IFIH1: variants seen among roughly 807,000 people sequenced by gnomAD.
The protein encoded by IFIH1 is interferon-induced helicase C domain-containing protein 1.
Under a neutral mutation model 107.4 loss-of-function variants are expected in IFIH1, and 125 were observed. The observed-to-expected ratio is 1.16, with a 90% confidence interval of 1.01 to 1.35. IFIH1 has a LOEUF of 1.35. Ranked by LOEUF, IFIH1 falls within the 40% of genes most tolerant of loss-of-function variation. IFIH1 has a pLI of 0.00. For synonymous variants in IFIH1, 458 were observed against 413.2 expected (o/e 1.11, Z -1.31); for missense variants, 1,333 against 1,213.7 (o/e 1.10, Z -1.46).
chr2:162,294,185 T>C (rs1419923477), intron 3 of IFIH1, among the ~76,000 whole-genome samples: 1 of 151,884 alleles, frequency 6.6e-6, no homozygotes, highest in Non-Finnish European at 1.5e-5. Context: ...AAAAAGAATA[T>C]CACTAAAGCC....
At chr2:162,269,282 C>T (rs1169759441) in intron 13 of IFIH1, among the ~76,000 whole-genome samples, 1 of 152,170 alleles carries the variant, frequency 6.6e-6, no homozygotes, top group African/African-American at 2.4e-5. Flanking sequence ...TCGCCCTTTC[C>T]ATTCTCCTCT....
chr2:162,299,734 AGTGT>A (rs977868761), intron 3 of IFIH1, among the ~76,000 whole-genome samples: 1 of 152,026 alleles, frequency 6.6e-6, no homozygotes, highest in South Asian at 2.1e-4. Context: ...TACTTTTAAA[AGTGT>A]GTGTGTGTGA....
At chr2:162,313,381 T>A (rs1683415258) in intron 1 of IFIH1, among the ~76,000 whole-genome samples, 1 of 152,216 alleles carries the variant, frequency 6.6e-6, no homozygotes, top group East Asian at 1.9e-4. Context: ...GTTTTCTCTG[T>A]GAAGTTAAAA....
At position 162,272,098 on chromosome 2, in the gene IFIH1, C is replaced by T. The variant is rs1206911949; in HGVS notation, c.2616+128G>A. 6.8e-6 allele frequency: 5 copies of T among 736,024 alleles called. No individual in the cohort carries two copies. The African/African-American group carries it at 8.9e-5, about 13-fold the overall frequency. 45.6% of individuals were successfully genotyped at this position (736,024 alleles called of 1,614,324 possible). ...TCTGCATGTGAATCTGGATTAAGCA[C>T]AGTTCACTAAACAGAAACTTATAAT... On this transcript the variant is annotated intron_variant, in intron 13 of 15. Transcript: ENST00000649979.
Position 162,277,635 on chromosome 2 carries a change from A to G in IFIH1, c.1824T>C (p.Asn608=). 1 of 1,613,102 alleles carries G rather than the reference A, an allele frequency of 6.2e-7. No homozygotes were observed. The highest frequency in any genetic ancestry group is 1.1e-5 in the South Asian group (1 of 91,006). Residue 608 remains asparagine, a synonymous_variant, in exon 10 of 16, where the codon AAT becomes AAC. Transcript: ENST00000649979. ...RVCAEHLRKY[N]EALQINDTIR... ...TTGTGTCATTAATTTGTAGGGCCTC[A>G]TTGTACTTCCTCAAATGTTCTGCAC...
chr2:162,286,447 T>C (rs1265024297), intron 5 of IFIH1, among the ~76,000 whole-genome samples: 2 of 151,972 alleles, frequency 1.3e-5, no homozygotes, highest in Non-Finnish European at 2.9e-5. Flanking sequence ...AGAACCACTC[T>C]GCAAAGGAAG....
At chr2:162,295,346 G>A (rs1428728504) in intron 3 of IFIH1, among the ~76,000 whole-genome samples, 3 of 151,868 alleles carry the variant, frequency 2.0e-5, no homozygotes, top group Non-Finnish European at 4.4e-5. Context: ...TATAGTAATT[G>A]TGATTCATCT....
chr2:162,282,456 A>G lies in IFIH1; in HGVS notation c.1216T>C (p.Ser406Pro). ...GCTGTACTGATAATAATATCACAGGACTTGACAACTTCTGGAAATGATATT... is the reference window on the plus strand; with the variant it reads ...GCTGTACTGATAATAATATCACAGGGCTTGACAACTTCTGGAAATGATATT... ...LKISFPEVVK[S>P]CDIIISTAQI... The change falls in exon 6 of 16, where the codon TCC (serine) becomes CCC (proline). Residue 406 changes from serine to proline, a missense_variant. By Grantham distance (74) the Ser-to-Pro change is moderately conservative. Coordinates refer to ENST00000649979, the MANE Select transcript of IFIH1 (RefSeq NM_022168.4). 1 of 1,611,520 alleles carries G rather than the reference A, an allele frequency of 6.2e-7. No individual in the cohort carries two copies.
chr2:162,303,055 A>G (rs1352251071), intron 3 of IFIH1, among the ~76,000 whole-genome samples: 2 of 152,178 alleles, frequency 1.3e-5, no homozygotes, highest in Non-Finnish European at 1.5e-5. Flanking sequence ...GTGTAGCTAT[A>G]CAGTTACTAC....
At chr2:162,302,431 C>T (rs1239211547) in intron 3 of IFIH1, among the ~76,000 whole-genome samples, 2 of 151,926 alleles carry the variant, frequency 1.3e-5, no homozygotes, top group African/African-American at 2.4e-5. Context: ...TTTTTCAGTG[C>T]TATCTTGGCA....
At position 162,277,770 on chromosome 2, in the gene IFIH1, T is replaced by A; in HGVS notation, c.1766-77A>T. The stretch of plus-strand genomic sequence containing the variant: ...AAATTGTGCCATGGACTTGAATATA[T>A]GTTACTAACTGCAAAACTGGCTTCA... On this transcript the variant is annotated intron_variant, in intron 9 of 15. Coordinates refer to ENST00000649979, the MANE Select transcript of IFIH1 (RefSeq NM_022168.4). The A allele has an allele frequency of 3.4e-6, 5 of 1,475,934 alleles. No homozygotes were observed. In the South Asian group the frequency reaches 7.0e-5, roughly 21 times the overall value. 91.4% of individuals were successfully genotyped at this position (1,475,934 alleles called of 1,614,324 possible).
chr2:162,293,367 AG>A (rs1237394444), intron 4 of IFIH1, among the ~76,000 whole-genome samples, 196 bp downstream of exon 4: 1 of 148,622 alleles, frequency 6.7e-6, no homozygotes, highest in Non-Finnish European at 1.5e-5. Flanking sequence ...GATCAAAATT[AG>A]AGAGTTTGGT....
intron 4 of IFIH1, among the ~76,000 whole-genome samples, chr2:162,292,703 T>A (rs1293535422): frequency 6.6e-6 from 1 of 151,868 alleles, no homozygotes; most frequent in Non-Finnish European, 1.5e-5. Context: ...ATTTTTCCAA[T>A]GCTTCTTAGC....
intron 3 of IFIH1, among the ~76,000 whole-genome samples, chr2:162,305,106 A>G (rs1683257853): frequency 6.6e-6 from 1 of 152,228 alleles, no homozygotes; most frequent in Non-Finnish European, 1.5e-5. Flanking sequence ...TATTTAATGA[A>G]CATAAGAGAA....
intron 11 of IFIH1, among the ~76,000 whole-genome samples, chr2:162,274,654 AT>A: frequency 6.6e-6 from 1 of 152,208 alleles, no homozygotes; most frequent in East Asian, 1.9e-4. Context: ...AAAACTCTGA[AT>A]TTTGAAAGTC....
rs1683562741 is a variant in IFIH1, at chr2:162,318,565, AG to A, written c.-259del. 4.0e-6 allele frequency: 1 copy of A among 248,294 alleles called. No individual in the cohort carries two copies. Among genetic ancestry groups the A allele is most frequent in the South Asian group, 1.5e-4 (1 of 6,892 alleles). 15.4% of individuals were successfully genotyped at this position (248,294 alleles called of 1,614,324 possible). A position where few individuals can be genotyped will look rare whatever the true frequency, so the allele number is the denominator to read the frequency against. On this transcript the variant is annotated 5_prime_UTR_variant, in exon 1 of 16. Transcript: ENST00000649979. The stretch of plus-strand genomic sequence containing the variant: ...GCCGCGGCAGGCAGGTGCGGCCGGC[AG>A]GCGCGGCACTTTGGACTCTGCGGTG...
rs563340800 is a variant in IFIH1, at chr2:162,288,654, C to T, written c.875-299G>A. Among the ~76,000 whole-genome samples, 12 of 151,798 alleles carry T rather than the reference C, an allele frequency of 7.9e-5. No homozygotes were observed. In the East Asian group the frequency reaches 1.8e-3, roughly 22 times the overall value. ...TTTCACAGAGTGGGTGAAGCCAAGG[C>T]GAATTTGTAGAAAGGGCTGTGGTGC... is the stretch of plus-strand genomic sequence containing the variant. On this transcript the variant is annotated intron_variant, in intron 4 of 15. Transcript: ENST00000649979.
chr2:162,306,512 ATCG>A (rs1683282347), intron 3 of IFIH1, among the ~76,000 whole-genome samples, 194 bp downstream of exon 3: 1 of 152,252 alleles, frequency 6.6e-6, no homozygotes, highest in African/African-American at 2.4e-5. Context: ...TTTATAACAC[ATCG>A]ATATTGGATT....
At chr2:162,288,418 T>A in intron 4 of IFIH1, 63 bp from the exon 5 acceptor site, 2 of 1,252,048 alleles carry the variant, frequency 1.6e-6, no homozygotes, top group Non-Finnish European at 2.3e-6. Flanking sequence ...TTAGGAAGCC[T>A]GAAACTGAAC....
Sources: allele counts gnomAD v4.1 joint callset (sites outside exome capture counted in the v4.1 genomes callset), GRCh38; gene constraint gnomAD v4.1.1; transcripts MANE v1.5; gene names NCBI Gene and HGNC (gene_info 2026-07-23, HGNC 2026-07-21).